The following CNTNAP2 variants were observed in gnomAD, a reference collection of about 807,000 sequenced individuals.
CNTNAP2 encodes contactin-associated protein-like 2.
CNTNAP2 carries 98 observed loss-of-function variants against 155.2 expected under a neutral mutation model. The observed-to-expected ratio is 0.63, with a 90% CI of 0.54 to 0.75. The LOEUF is 0.75. Among genes scored for constraint, CNTNAP2 ranks in the 30% least tolerant of loss-of-function variants. The pLI, the probability that CNTNAP2 is intolerant of heterozygous loss-of-function variation, is 0.00. For missense variants in CNTNAP2, 1,727 were observed against 1,688.1 expected (o/e 1.02, Z -0.40); for synonymous variants, 651 against 631.2 (o/e 1.03, Z -0.47).
intron 1 of CNTNAP2, among the ~76,000 whole-genome samples, chr7:146,191,463 T>A (rs1175746869): frequency 1.3e-5 from 2 of 152,198 alleles, no homozygotes. Flanking sequence ...CATATTGTCA[T>A]TGATAACATC....
intron 12 of CNTNAP2, among the ~76,000 whole-genome samples, chr7:147,585,527 A>G (rs12669822): frequency 0.69 from 103,681 of 149,950 alleles, 36,411 homozygotes; most frequent in African/African-American, 0.81. Flanking sequence ...GATGATATAT[A>G]TAGATCTATA....
At chr7:148,396,909 A>T (rs1799480508) in intron 22 of CNTNAP2, among the ~76,000 whole-genome samples, 1 of 152,234 alleles carries the variant, frequency 6.6e-6, no homozygotes, top group Non-Finnish European at 1.5e-5. Context: ...TAAACATAGA[A>T]AATAAGATGA....
chr7:147,998,133 A>G lies in CNTNAP2; in HGVS notation c.2383+20144A>G, dbSNP rs543781058. Among the ~76,000 whole-genome samples, 14 of 98,928 alleles carry G rather than the reference A, an allele frequency of 1.4e-4. No homozygotes were observed. In the East Asian group the frequency reaches 4.2e-3, roughly 30 times the overall value. 64.9% of individuals were successfully genotyped at this position (98,928 alleles called of 152,430 possible). On this transcript the variant is annotated intron_variant, in intron 15 of 23. Coordinates refer to ENST00000361727, the MANE Select transcript of CNTNAP2 (RefSeq NM_014141.6). ...TTTTTTTTTTTTTTTTTTTTTTGAG[A>G]CGGAGTCTCACCCTGCTGCCCAGGC...
At chr7:147,494,503 A>G (rs1290922475) in intron 11 of CNTNAP2, among the ~76,000 whole-genome samples, 1 of 148,354 alleles carries the variant, frequency 6.7e-6, no homozygotes, top group South Asian at 2.2e-4. Flanking sequence ...CTGCAAATGC[A>G]TATTGAAAAG....
At chr7:147,888,616 C>G (rs1340473182) in intron 13 of CNTNAP2, among the ~76,000 whole-genome samples, 1 of 151,272 alleles carries the variant, frequency 6.6e-6, no homozygotes, top group African/African-American at 2.4e-5. Context: ...TGGATGTAAG[C>G]CAGAATGAAA....
chr7:147,775,323 TTA>T (rs1432157557), intron 13 of CNTNAP2, among the ~76,000 whole-genome samples: 6 of 29,768 alleles, frequency 2.0e-4, no homozygotes, highest in East Asian at 5.2e-4. Flanking sequence ...ATATATATAT[TTA>T]TATATATTTA....
intron 14 of CNTNAP2, among the ~76,000 whole-genome samples, chr7:147,938,843 A>G (rs1800664032): frequency 6.6e-6 from 1 of 152,040 alleles, no homozygotes; most frequent in Admixed American, 6.6e-5. Flanking sequence ...GAGAGTGTTG[A>G]CTCTCAGGTG....
Position 146,842,694 on chromosome 7 carries a change from T to C in CNTNAP2, c.402+2790T>C, listed in dbSNP as rs369205309. 1.5e-4 allele frequency among the ~76,000 whole-genome samples: 23 copies of C among 152,200 alleles called. 2 individuals carry two copies. The highest frequency in any genetic ancestry group is 5.5e-4 in the African/African-American group (23 of 41,510). Reference sequence around the variant, plus strand: ...GAGACGGGGGTGTCACATACTTTTTTATTTTTTCTGAGACGGAGTCTCGCT... The same window carrying C: ...GAGACGGGGGTGTCACATACTTTTTCATTTTTTCTGAGACGGAGTCTCGCT... On this transcript the variant is annotated intron_variant, in intron 3 of 23. Coordinates refer to ENST00000361727, the MANE Select transcript of CNTNAP2 (RefSeq NM_014141.6).
intron 1 of CNTNAP2, among the ~76,000 whole-genome samples, chr7:146,575,526 A>G (rs1387900135): frequency 6.6e-6 from 1 of 152,200 alleles, no homozygotes; most frequent in African/African-American, 2.4e-5. Context: ...TGATCCAATC[A>G]TTACATTTGT....
At chr7:146,446,455 A>G (rs998962440) in intron 1 of CNTNAP2, among the ~76,000 whole-genome samples, 18 of 152,178 alleles carry the variant, frequency 1.2e-4, no homozygotes, top group Non-Finnish European at 2.6e-4. Context: ...ATTTGCAACC[A>G]GACTAGCACT....
At chr7:148,119,400 G>T (rs900176250) in intron 16 of CNTNAP2, among the ~76,000 whole-genome samples, 5 of 151,850 alleles carry the variant, frequency 3.3e-5, no homozygotes, top group African/African-American at 4.8e-5. Flanking sequence ...TGTGGTGGCG[G>T]GGGCGCCTGT....
intron 21 of CNTNAP2, among the ~76,000 whole-genome samples, chr7:148,285,488 T>G: frequency 6.6e-6 from 1 of 152,254 alleles, no homozygotes; most frequent in Non-Finnish European, 1.5e-5. Flanking sequence ...TTTAACAGAC[T>G]GTCTTTCAGT....
At chr7:147,716,002 A>C (rs1796476908) in intron 13 of CNTNAP2, among the ~76,000 whole-genome samples, 1 of 152,118 alleles carries the variant, frequency 6.6e-6, no homozygotes, top group African/African-American at 2.4e-5. Flanking sequence ...ATTTAAGAAA[A>C]CTAATTGGGT....
intron 20 of CNTNAP2, among the ~76,000 whole-genome samples, chr7:148,234,369 A>C (rs533276276): frequency 6.6e-6 from 1 of 152,370 alleles, no homozygotes; most frequent in East Asian, 1.9e-4. Context: ...TTATTACCAT[A>C]AGATAGTTCA....
intron 1 of CNTNAP2, among the ~76,000 whole-genome samples, chr7:146,585,723 GA>G (rs1223468900): frequency 7.3e-6 from 1 of 137,776 alleles, no homozygotes; most frequent in Non-Finnish European, 1.6e-5. Flanking sequence ...AGGAAGGAAA[GA>G]AAGAAGAAAG....
chr7:147,725,549 A>G (rs1314840488), intron 13 of CNTNAP2, among the ~76,000 whole-genome samples: 1 of 151,650 alleles, frequency 6.6e-6, no homozygotes, highest in East Asian at 1.9e-4. Flanking sequence ...AGTGTCCCCC[A>G]CTCTCTCTCC....
intron 2 of CNTNAP2, among the ~76,000 whole-genome samples, chr7:146,814,246 A>G (rs1159270074): frequency 6.6e-6 from 1 of 152,104 alleles, no homozygotes; most frequent in Non-Finnish European, 1.5e-5. Flanking sequence ...AATTGAATCT[A>G]GGCTTCTTCC....
At chr7:146,821,532 G>A (rs1309327684) in intron 2 of CNTNAP2, among the ~76,000 whole-genome samples, 1 of 152,050 alleles carries the variant, frequency 6.6e-6, no homozygotes, top group Non-Finnish European at 1.5e-5. Context: ...GAGTGAACAG[G>A]CAACCTACGA....
chr7:146,179,381 AT>A (rs1380784060), intron 1 of CNTNAP2, among the ~76,000 whole-genome samples: 1 of 136,068 alleles, frequency 7.3e-6, no homozygotes, highest in African/African-American at 3.2e-5. Context: ...ACTATCTGAT[AT>A]TTTTTGATAT....
Sources: gnomAD v4.1 joint callset for allele counts (sites outside exome capture counted in the v4.1 genomes callset) on GRCh38, gnomAD v4.1.1 for gene constraint, MANE v1.5 for transcripts, NCBI Gene and HGNC (gene_info 2026-07-23, HGNC 2026-07-21) for gene names.